Variants in GTF2A1 observed in about 807,000 individuals in gnomAD.
GTF2A1 encodes transcription initiation factor IIA subunit 1.
GTF2A1 carries 12 observed loss-of-function variants against 54.1 expected under a neutral mutation model. The ratio of observed to expected loss-of-function variants is 0.22; its 90% CI spans 0.14 to 0.36. The LOEUF (loss-of-function observed/expected upper bound fraction) is 0.36. GTF2A1 is among the 10% of genes least tolerant of loss of function. The pLI is 1.00. For synonymous variants in GTF2A1, 145 were observed against 152.0 expected (o/e 0.95, Z 0.34); for missense variants, 335 against 442.2 (o/e 0.76, Z 2.17).
At chr14:81,208,623 C>A (rs1893294129) in intron 2 of GTF2A1, among the ~76,000 whole-genome samples, 1 of 152,196 alleles carries the variant, frequency 6.6e-6, no homozygotes, top group Non-Finnish European at 1.5e-5. Context: ...CCTGGAAAAG[C>A]CGCACTCAAT....
chr14:81,205,103 A>G (rs1893200832), intron 2 of GTF2A1, among the ~76,000 whole-genome samples: 1 of 151,640 alleles, frequency 6.6e-6, no homozygotes, highest in South Asian at 2.1e-4. Context: ...ACTCACAGAG[A>G]GTTTCTTTAT....
In GTF2A1 at chr14:81,204,536, C is replaced by A. The variant is rs185334172; in HGVS notation, c.133-432G>T. ...TTCTGCAACATATAAAACATAAATT[C>A]TTAAATAACATACAAAACATAAATT... On this transcript the variant is annotated intron_variant, in intron 2 of 8. Transcript: ENST00000553612. Among the ~76,000 whole-genome samples, 120 of 152,168 alleles carry A rather than the reference C, an allele frequency of 7.9e-4. 1 individual carries two copies. The highest frequency in any genetic ancestry group is 2.8e-3 in the African/African-American group (118 of 41,520).
At chr14:81,217,304 T>C (rs1893508113) in intron 1 of GTF2A1, among the ~76,000 whole-genome samples, 1 of 152,186 alleles carries the variant, frequency 6.6e-6, no homozygotes, top group African/African-American at 2.4e-5. Context: ...GTATAAAATA[T>C]TTTTTAAAAA....
In GTF2A1 at chr14:81,206,155, GCTC is replaced by G. The variant is rs375292188; in HGVS notation, c.133-2054_133-2052del. On this transcript the variant is annotated intron_variant, in intron 2 of 8. Coordinates refer to ENST00000553612, the MANE Select transcript of GTF2A1 (RefSeq NM_015859.4). Reference sequence around the variant, plus strand: ...AATCTCGACCCATCACTTCTACGAAGCTCCTATGATAATGGTAAACATTAATGA... The same window carrying G: ...AATCTCGACCCATCACTTCTACGAAGCTATGATAATGGTAAACATTAATGA... 3.7e-4 allele frequency among the ~76,000 whole-genome samples: 57 copies of G among 152,276 alleles called. No individual in the cohort carries two copies. In the South Asian group the frequency reaches 0.011, roughly 30 times the overall value.
chr14:81,205,048 G>A (rs922697089), intron 2 of GTF2A1, among the ~76,000 whole-genome samples: 2 of 152,058 alleles, frequency 1.3e-5, no homozygotes, highest in African/African-American at 4.8e-5. Flanking sequence ...TTGCCTAATT[G>A]ACCTGAAGCT....
intron 8 of GTF2A1, 63 bp from the exon 9 acceptor site, chr14:81,180,393 CAAA>C (rs1892615095): frequency 5.2e-6 from 4 of 766,596 alleles, no homozygotes; most frequent in Admixed American, 2.0e-5. Context: ...AAACAAGTAA[CAAA>C]AAACCCATAC....
At chr14:81,192,427 T>C in intron 7 of GTF2A1, 92 bp downstream of exon 7, 1 of 970,788 alleles carries the variant, frequency 1.0e-6, no homozygotes, top group East Asian at 2.4e-5. Context: ...TAACAGTCTC[T>C]GAAAAAAACA....
Position 81,175,898 on chromosome 14 carries a change from C to T in GTF2A1, c.*4325G>A, listed in dbSNP as rs1397380582. The T allele has an allele frequency of 1.3e-5, 2 of 152,074 alleles. No individual in the cohort carries two copies. Among genetic ancestry groups the T allele is most frequent in the African/African-American group, 2.4e-5 (1 of 41,392 alleles). The allele number at this position is 152,074 out of a possible 1,614,324, so 9.4% of individuals were successfully genotyped here. A position where few individuals can be genotyped will look rare whatever the true frequency, so the allele number is the denominator to read the frequency against. On this transcript the variant is annotated 3_prime_UTR_variant, in exon 9 of 9. Transcript: ENST00000553612. ...AATTTGTTAGTGTGAATTCGCCCAA[C>T]CTAAATTCCTGTGTGCCTGGAAAAT...
chr14:81,193,985 A>G (rs570580728), intron 6 of GTF2A1, among the ~76,000 whole-genome samples: 1 of 152,226 alleles, frequency 6.6e-6, no homozygotes, highest in Non-Finnish European at 1.5e-5. Flanking sequence ...TTATGGGAAC[A>G]CAAGAGAGTG....
At chr14:81,204,323 TTG>T (rs748299127) in intron 2 of GTF2A1, 4 of 683,208 alleles carry the variant, frequency 5.9e-6, no homozygotes, top group Admixed American at 2.0e-5. Flanking sequence ...ACTGAAGATT[TTG>T]TTTCTTTTTT....
chr14:81,202,827 A>C, intron 3 of GTF2A1: 2 of 506,774 alleles, frequency 3.9e-6, no homozygotes, highest in Non-Finnish European at 7.8e-6. Context: ...CAGGAAGAAC[A>C]GTCATCAAAA....
At chr14:81,194,034 T>C (rs1892935446) in intron 6 of GTF2A1, among the ~76,000 whole-genome samples, 1 of 152,180 alleles carries the variant, frequency 6.6e-6, no homozygotes, top group Non-Finnish European at 1.5e-5. Context: ...TGATCAAATA[T>C]TACTTATATT....
intron 8 of GTF2A1, among the ~76,000 whole-genome samples, chr14:81,180,721 T>C (rs1249167792): frequency 2.0e-5 from 3 of 152,358 alleles, no homozygotes; most frequent in South Asian, 2.1e-4. Context: ...TACTATTTTA[T>C]AGCTTTTAGT....
At chr14:81,221,157 A>G (rs538438575), upstream of GTF2A1, 2 of 152,382 alleles carry the variant, frequency 1.3e-5, no homozygotes, top group East Asian at 1.9e-4. Context: ...CGCCTCTCCA[A>G]CGCTCGCGTG....
At chr14:81,191,047 A>G (rs1892864810) in intron 7 of GTF2A1, among the ~76,000 whole-genome samples, 6 of 152,206 alleles carry the variant, frequency 3.9e-5, no homozygotes, top group Non-Finnish European at 7.4e-5. Context: ...AGAGACCTCA[A>G]TAAGCACTTC....
chr14:81,200,901 A>C (rs1465880778), intron 4 of GTF2A1, among the ~76,000 whole-genome samples: 1 of 151,032 alleles, frequency 6.6e-6, no homozygotes, highest in Non-Finnish European at 1.5e-5. Flanking sequence ...AAAAAAAAAA[A>C]CAAAAAACAA....
intron 1 of GTF2A1, among the ~76,000 whole-genome samples, chr14:81,219,909 C>A (rs1267570985): frequency 6.6e-6 from 1 of 152,200 alleles, no homozygotes; most frequent in East Asian, 1.9e-4. Context: ...GAGATAAGTG[C>A]TTTTCAACCA....
rs1336863695 is a variant in GTF2A1, at chr14:81,203,940, T to A, written c.297A>T (p.Gln99His). ...QAQPQQTVPQ[Q>H]AQTQQVLIPA... ...GAATAAGAACCTGCTGGGTCTGCGCTTGCTGAGGTACTGTCTGCTGAGGCT... is the reference window on the plus strand; with the variant it reads ...GAATAAGAACCTGCTGGGTCTGCGCATGCTGAGGTACTGTCTGCTGAGGCT... The change falls in exon 3 of 9, where the codon CAA becomes CAT. Residue 99 changes from glutamine to histidine, a missense_variant. Gln to His is a conservative substitution (Grantham distance 24). Around this residue, in one of 2 missense-constraint regions of GTF2A1, gnomAD observed 306 missense variants for 360.4 expected, o/e 0.85. Coordinates refer to ENST00000553612, the MANE Select transcript of GTF2A1 (RefSeq NM_015859.4). The A allele has an allele frequency of 6.2e-7, 1 of 1,614,120 alleles. No homozygotes were observed. Among genetic ancestry groups the A allele is most frequent in the Admixed American group, 1.7e-5 (1 of 59,998 alleles).
intron 7 of GTF2A1, among the ~76,000 whole-genome samples, chr14:81,187,673 T>C (rs1022554744): frequency 6.6e-6 from 1 of 152,242 alleles, no homozygotes; most frequent in Non-Finnish European, 1.5e-5. Context: ...ATCCATGTTG[T>C]AGCATATACG....
Sources: allele counts gnomAD v4.1 joint callset (sites outside exome capture counted in the v4.1 genomes callset), GRCh38; gene constraint gnomAD v4.1.1; regional missense constraint gnomAD v4.1.1; transcripts MANE v1.5; gene names NCBI Gene and HGNC (gene_info 2026-07-23, HGNC 2026-07-21).